Variants in SCYL2 observed in about 807,000 individuals in gnomAD.
The protein encoded by SCYL2 is SCY1-like protein 2.
In SCYL2, 36 loss-of-function variants were observed where a neutral mutation model predicts 100.4. That is an observed-to-expected ratio of 0.36 (90% confidence interval 0.27 to 0.47). The LOEUF (loss-of-function observed/expected upper bound fraction) is 0.47, where lower values mean the gene tolerates loss of function less well. SCYL2 is among the 20% of genes least tolerant of loss of function. The probability of loss-of-function intolerance (pLI) is 1.00; values close to 1 mark genes in which losing one functional copy is unlikely to be tolerated. For synonymous variants in SCYL2, 330 were observed against 359.2 expected, an observed-to-expected ratio of 0.92 and a Z score of 0.92; for missense variants, 902 against 1,083.9, an observed-to-expected ratio of 0.83 and a Z score of 2.36.
At chr12:100,283,359 C>T (rs1243829432) in intron 2 of SCYL2, among the ~76,000 whole-genome samples, 1 of 152,186 alleles carries the variant, frequency 6.6e-6, no homozygotes, top group East Asian at 1.9e-4. Context: ...TACTGTTTGA[C>T]ATACCATATC....
chr12:100,286,782 TTATAA>T (rs1482347977), intron 2 of SCYL2, among the ~76,000 whole-genome samples: 1 of 151,634 alleles, frequency 6.6e-6, no homozygotes, highest in Non-Finnish European at 1.5e-5. Flanking sequence ...CATAATTAAA[TTATAA>T]TAAATAATTA....
intron 2 of SCYL2, 99 bp downstream of exon 2, chr12:100,283,246 T>A: frequency 2.0e-6 from 2 of 992,962 alleles, no homozygotes; most frequent in Non-Finnish European, 3.0e-6. Flanking sequence ...AAAAGTTCTT[T>A]AATAGGTTCT....
At chr12:100,269,999 T>G (rs1385056778) in intron 1 of SCYL2, among the ~76,000 whole-genome samples, 1 of 152,002 alleles carries the variant, frequency 6.6e-6, no homozygotes, top group African/African-American at 2.4e-5. Flanking sequence ...TTTTTTTTTT[T>G]TTTGTGAGAC....
chr12:100,341,052 A>G lies in SCYL2; in HGVS notation c.*1880A>G, dbSNP rs1952346881. 1.3e-5 allele frequency: 2 copies of G among 152,114 alleles called. No homozygotes were observed. Among genetic ancestry groups the G allele is most frequent in the African/African-American group, 2.4e-5 (1 of 41,472 alleles). 9.4% of individuals were successfully genotyped at this position (152,114 alleles called of 1,614,324 possible). The stretch of plus-strand genomic sequence containing the variant: ...AAACAGAAAGAAAGCTTAATATAAC[A>G]GCTTATAGAACTTGAACTACTAAAT... On this transcript the variant is annotated 3_prime_UTR_variant, in exon 18 of 18. Coordinates refer to ENST00000360820, the MANE Select transcript of SCYL2 (RefSeq NM_017988.6).
intron 3 of SCYL2, among the ~76,000 whole-genome samples, chr12:100,294,571 G>C (rs1410585871): frequency 1.4e-5 from 2 of 140,348 alleles, no homozygotes; most frequent in African/African-American, 5.4e-5. Flanking sequence ...CCGGGCGGGG[G>C]CTGACCCCCC....
chr12:100,322,355 A>AGAG (rs1491392919), intron 10 of SCYL2, among the ~76,000 whole-genome samples: 1 of 141,746 alleles, frequency 7.1e-6, no homozygotes, highest in Non-Finnish European at 1.5e-5. Flanking sequence ...CCTGGGCGAC[A>AGAG]GAGCGAGACT....
intron 13 of SCYL2, among the ~76,000 whole-genome samples, chr12:100,331,078 G>A (rs774814170): frequency 3.3e-5 from 5 of 151,460 alleles, no homozygotes; most frequent in South Asian, 2.1e-4. Context: ...TGCTTGCCTC[G>A]GCCTCCCAAA....
chr12:100,285,226 A>G (rs1487921449), intron 2 of SCYL2, among the ~76,000 whole-genome samples: 1 of 152,226 alleles, frequency 6.6e-6, no homozygotes, highest in Non-Finnish European at 1.5e-5. Flanking sequence ...CTCCAGGGAT[A>G]ACCACTACCC....
intron 7 of SCYL2, among the ~76,000 whole-genome samples, chr12:100,314,153 T>C (rs2096345673): frequency 6.6e-6 from 1 of 152,210 alleles, no homozygotes; most frequent in Admixed American, 6.5e-5. Context: ...GTTGGGATTA[T>C]AGGCATGAGC....
intron 1 of SCYL2, among the ~76,000 whole-genome samples, chr12:100,275,476 A>G (rs1243500554): frequency 1.3e-5 from 2 of 152,204 alleles, no homozygotes; most frequent in Non-Finnish European, 2.9e-5. Flanking sequence ...GATTACAGGC[A>G]TGAATTACTA....
chr12:100,315,370 T>C (rs536109641), intron 8 of SCYL2, among the ~76,000 whole-genome samples, 188 bp from the exon 9 acceptor site: 1 of 152,308 alleles, frequency 6.6e-6, no homozygotes, highest in African/African-American at 2.4e-5. Context: ...CCTTTCCAGT[T>C]TATGCTATTT....
At chr12:100,272,189 A>C (rs1331747385) in intron 1 of SCYL2, among the ~76,000 whole-genome samples, 1 of 152,234 alleles carries the variant, frequency 6.6e-6, no homozygotes. Context: ...GTGAATTATA[A>C]TAAATGGTGT....
chr12:100,304,545 A>G (rs975347107), intron 4 of SCYL2, among the ~76,000 whole-genome samples: 2 of 152,150 alleles, frequency 1.3e-5, no homozygotes, highest in African/African-American at 4.8e-5. Flanking sequence ...TTCCCAGGTG[A>G]GGTGAAGCCA....
At chr12:100,330,226 A>G (rs1952192025) in intron 13 of SCYL2, among the ~76,000 whole-genome samples, 1 of 152,130 alleles carries the variant, frequency 6.6e-6, no homozygotes, top group African/African-American at 2.4e-5. Flanking sequence ...GAGAAAGATA[A>G]ATTGAGACTA....
chr12:100,319,733 G>T (rs1459013853), intron 10 of SCYL2, among the ~76,000 whole-genome samples: 1 of 152,122 alleles, frequency 6.6e-6, no homozygotes, highest in Non-Finnish European at 1.5e-5. Flanking sequence ...ATGTTGGCCA[G>T]GTTGGGGAAA....
At chr12:100,300,926 T>C (rs142594566) in intron 4 of SCYL2, among the ~76,000 whole-genome samples, 225 of 152,358 alleles carry the variant, frequency 1.5e-3, no homozygotes, top group African/African-American at 5.0e-3. Context: ...CTCTAAATCT[T>C]GGTTATTGTG....
intron 6 of SCYL2, among the ~76,000 whole-genome samples, chr12:100,312,983 G>A (rs1382592784): frequency 6.6e-6 from 1 of 152,076 alleles, no homozygotes. Flanking sequence ...AAGTTAGCTG[G>A]GCTTGGTGGC....
At chr12:100,330,528 G>T (rs1051673465) in intron 13 of SCYL2, among the ~76,000 whole-genome samples, 2 of 152,122 alleles carry the variant, frequency 1.3e-5, no homozygotes, top group African/African-American at 4.8e-5. Flanking sequence ...ATATAGAGAC[G>T]AGTCATTTTT....
chr12:100,328,460 G>A (rs1346001219), intron 12 of SCYL2, among the ~76,000 whole-genome samples: 1 of 152,186 alleles, frequency 6.6e-6, no homozygotes, highest in Non-Finnish European at 1.5e-5. Flanking sequence ...AACAAGCATA[G>A]TGCTCAGCAA....
Sources: gnomAD v4.1 joint callset for allele counts (sites outside exome capture counted in the v4.1 genomes callset) on GRCh38, gnomAD v4.1.1 for gene constraint, MANE v1.5 for transcripts, NCBI Gene and HGNC (gene_info 2026-07-23, HGNC 2026-07-21) for gene names.